TRIM2: variants seen among roughly 807,000 people sequenced by gnomAD.
TRIM2 encodes tripartite motif-containing protein 2.
Under a neutral mutation model 75.2 loss-of-function variants are expected in TRIM2, and 20 were observed. The observed-to-expected ratio is 0.27, with a 90% CI of 0.19 to 0.39. TRIM2 has a LOEUF of 0.39. Ranked by LOEUF, TRIM2 falls within the 10% of genes least tolerant of loss-of-function variation. The pLI, the probability that TRIM2 is intolerant of heterozygous loss-of-function variation, is 1.00. For synonymous variants in TRIM2, 373 were observed against 388.3 expected (o/e 0.96, Z 0.46); for missense variants, 660 against 990.8 (o/e 0.67, Z 4.48).
chr4:153,194,731 G>C (rs528809569), intron 1 of TRIM2, among the ~76,000 whole-genome samples: 1 of 152,184 alleles, frequency 6.6e-6, no homozygotes, highest in South Asian at 2.1e-4. Context: ...GTTTTCCCAA[G>C]GTTTTTAAGT....
chr4:153,218,207 T>C (rs1440050796), intron 1 of TRIM2, among the ~76,000 whole-genome samples: 2 of 152,186 alleles, frequency 1.3e-5, no homozygotes, highest in Non-Finnish European at 2.9e-5. Context: ...CTGTAGGCAG[T>C]GGATCTGTAA....
chr4:153,260,700 CCACACA>C (rs1185919053), intron 1 of TRIM2, among the ~76,000 whole-genome samples: 78 of 67,570 alleles, frequency 1.2e-3, no homozygotes, highest in African/African-American at 1.9e-3. Context: ...ACCCCCCCCC[CCACACA>C]CACACACACA....
chr4:153,278,030 C>G (rs536599413), intron 3 of TRIM2, among the ~76,000 whole-genome samples: 1 of 152,300 alleles, frequency 6.6e-6, no homozygotes. Context: ...TAAAATGAGG[C>G]TCTCTGGAGA....
At chr4:153,168,064 C>T (rs1387867327) in intron 1 of TRIM2, among the ~76,000 whole-genome samples, 1 of 151,888 alleles carries the variant, frequency 6.6e-6, no homozygotes, top group African/African-American at 2.4e-5. Flanking sequence ...AAAATGTAGC[C>T]AGCTACTTAT....
intron 1 of TRIM2, among the ~76,000 whole-genome samples, chr4:153,190,033 G>C (rs1343923855): frequency 1.3e-5 from 2 of 152,200 alleles, no homozygotes; most frequent in Non-Finnish European, 2.9e-5. Context: ...GTTTATAACA[G>C]ATGGGCATAT....
At position 153,295,930 on chromosome 4, in the gene TRIM2, G is replaced by A. The variant is rs777112183; in HGVS notation, c.1404G>A (p.Pro468=). The A allele has an allele frequency of 4.4e-6, 7 of 1,600,970 alleles. No individual in the cohort carries two copies. The Admixed American group carries it at 5.2e-5, about 12-fold the overall frequency. The part of the protein sequence containing the change: ...TEGVKRRVKS[P]GSGHVKQKAV... ...GCGTGAAGAGGCGCGTTAAGTCCCC[G>A]GGGAGCGGCCACGTCAAGCAGAAAG... Residue 468 remains proline (P), a synonymous_variant, in exon 6 of 12, where the codon CCG becomes CCA. Coordinates refer to ENST00000338700, the MANE Select transcript of TRIM2 (RefSeq NM_015271.5). The surrounding 1 kb of genome is among the most constrained non-coding windows in gnomAD (Gnocchi z 7.2).
At chr4:153,211,253 G>A (rs1244914109) in intron 1 of TRIM2, among the ~76,000 whole-genome samples, 1 of 152,090 alleles carries the variant, frequency 6.6e-6, no homozygotes, top group African/African-American at 2.4e-5. Flanking sequence ...GACAGGGCTG[G>A]GTGGAAGAAG....
At chr4:153,281,473 A>C (rs1438654423) in intron 3 of TRIM2, among the ~76,000 whole-genome samples, 1 of 152,260 alleles carries the variant, frequency 6.6e-6, no homozygotes, top group African/African-American at 2.4e-5. Flanking sequence ...AGATTGTAGA[A>C]GTTCACTGCT....
rs190462219 is a variant in TRIM2, at chr4:153,329,544, C to T, written c.2163+874C>T. Among the ~76,000 whole-genome samples, 83 of 151,374 alleles carry T rather than the reference C, an allele frequency of 5.5e-4. 1 individual carries two copies. Among genetic ancestry groups the T allele is most frequent in the African/African-American group, 1.8e-3 (76 of 41,280 alleles). On this transcript the variant is annotated intron_variant, in intron 11 of 11. Coordinates refer to ENST00000338700, the MANE Select transcript of TRIM2 (RefSeq NM_015271.5). Reference sequence around the variant, plus strand: ...CCAAACAAGCAGAAGGAAGCAAGGCCGAAATTAAAGGCTGGGCGCTGTGGC... The same window carrying T: ...CCAAACAAGCAGAAGGAAGCAAGGCTGAAATTAAAGGCTGGGCGCTGTGGC...
At chr4:153,164,552 GA>G (rs146837847) in intron 1 of TRIM2, among the ~76,000 whole-genome samples, 5 of 150,556 alleles carry the variant, frequency 3.3e-5, no homozygotes, top group African/African-American at 7.3e-5. Context: ...CAACATTCAA[GA>G]AAAAAAAAGA....
intron 1 of TRIM2, among the ~76,000 whole-genome samples, chr4:153,178,463 C>T (rs142689636): frequency 2.5e-3 from 374 of 152,316 alleles, no homozygotes; most frequent in Middle Eastern, 6.8e-3. Context: ...AGAATGAAGG[C>T]TCTTGTGCCT....
chr4:153,217,544 A>C (rs985971939), intron 1 of TRIM2, among the ~76,000 whole-genome samples: 1 of 152,200 alleles, frequency 6.6e-6, no homozygotes, highest in Non-Finnish European at 1.5e-5. Flanking sequence ...TTCTAAAACC[A>C]GCACTTAAAA....
chr4:153,266,343 G>T (rs1378913883), intron 1 of TRIM2, among the ~76,000 whole-genome samples: 33 of 106,056 alleles, frequency 3.1e-4, no homozygotes, highest in African/African-American at 1.3e-3. Context: ...CTAATTTTTG[G>T]GTTTTTTTTT....
At chr4:153,264,364 A>G (rs758171524) in intron 1 of TRIM2, among the ~76,000 whole-genome samples, 4 of 152,198 alleles carry the variant, frequency 2.6e-5, no homozygotes, top group African/African-American at 9.7e-5. Flanking sequence ...ATCCAAAAGC[A>G]TTCGAGCTTC....
At chr4:153,266,358 T>C (rs1755088499) in intron 1 of TRIM2, among the ~76,000 whole-genome samples, 2 of 148,648 alleles carry the variant, frequency 1.3e-5, no homozygotes, top group East Asian at 3.9e-4. Context: ...TTTTTTTTTT[T>C]TTTGAGACGG....
chr4:153,228,427 A>G (rs1742727611), intron 1 of TRIM2, among the ~76,000 whole-genome samples: 1 of 152,260 alleles, frequency 6.6e-6, no homozygotes, highest in Admixed American at 6.5e-5. Context: ...GTGGCTCGCT[A>G]AAAGATAACA....
At chr4:153,185,656 G>C (rs1432970405) in intron 1 of TRIM2, among the ~76,000 whole-genome samples, 2 of 152,146 alleles carry the variant, frequency 1.3e-5, no homozygotes, top group Non-Finnish European at 2.9e-5. Flanking sequence ...TTTCTGCTTT[G>C]TCCCTCCACG....
At chr4:153,309,406 G>T (rs1765753090) in intron 6 of TRIM2, among the ~76,000 whole-genome samples, 1 of 152,128 alleles carries the variant, frequency 6.6e-6, no homozygotes, top group Non-Finnish European at 1.5e-5. Flanking sequence ...GTGAGAAAAT[G>T]TACATGAAAG....
chr4:153,185,952 C>T (rs1329166195), intron 1 of TRIM2, among the ~76,000 whole-genome samples: 1 of 152,188 alleles, frequency 6.6e-6, no homozygotes, highest in East Asian at 1.9e-4. Context: ...TTGCTGACTG[C>T]TCCTGTGGGC....
Sources: allele counts gnomAD v4.1 joint callset (sites outside exome capture counted in the v4.1 genomes callset), GRCh38; gene constraint gnomAD v4.1.1; non-coding constraint Gnocchi (gnomAD v3.1); transcripts MANE v1.5; gene names NCBI Gene and HGNC (gene_info 2026-07-23, HGNC 2026-07-21).